The following RBM44 variants were observed in gnomAD, a reference collection of about 807,000 sequenced individuals.
RBM44 encodes RNA-binding protein 44.
Under a neutral mutation model 105.1 loss-of-function variants are expected in RBM44, and 66 were observed. The ratio of observed to expected loss-of-function variants is 0.63; its 90% CI spans 0.52 to 0.77. The LOEUF is 0.77. RBM44 is among the 30% of genes least tolerant of loss of function. The probability of loss-of-function intolerance (pLI) is 0.00; values close to 1 mark genes in which losing one functional copy is unlikely to be tolerated. For synonymous variants in RBM44, 365 were observed against 417.6 expected (o/e 0.87, Z 1.54); for missense variants, 1,122 against 1,207.8 (o/e 0.93, Z 1.05).
At chr2:237,822,927 G>A (rs373388776) in intron 8 of RBM44, among the ~76,000 whole-genome samples, 2 of 151,732 alleles carry the variant, frequency 1.3e-5, no homozygotes, top group Non-Finnish European at 1.5e-5. Context: ...ACAGTTTACC[G>A]TAGCCCTGTA....
intron 10 of RBM44, among the ~76,000 whole-genome samples, chr2:237,824,727 A>C (rs1450898608): frequency 6.6e-6 from 1 of 152,196 alleles, no homozygotes; most frequent in Non-Finnish European, 1.5e-5. Context: ...GCACGGGTAC[A>C]TGGTGAATAA....
chr2:237,804,161 C>T (rs529904126), intron 1 of RBM44, among the ~76,000 whole-genome samples: 2 of 152,318 alleles, frequency 1.3e-5, no homozygotes, highest in East Asian at 3.9e-4. Flanking sequence ...TGCGCCACCA[C>T]GCCTGACCAA....
intron 1 of RBM44, among the ~76,000 whole-genome samples, chr2:237,811,423 C>G (rs1264799067): frequency 6.6e-6 from 1 of 152,084 alleles, no homozygotes; most frequent in Admixed American, 6.5e-5. Context: ...GGCAAGCCAC[C>G]ATGCCTGGCT....
At chr2:237,834,897 A>C (rs2061942684) in intron 15 of RBM44, 1 of 152,708 alleles carries the variant, frequency 6.5e-6, no homozygotes, top group Admixed American at 6.5e-5. Flanking sequence ...AGAGAGAGAG[A>C]GAGCAAGATG....
At chr2:237,813,261 A>G (rs2061676567) in intron 1 of RBM44, among the ~76,000 whole-genome samples, 1 of 152,166 alleles carries the variant, frequency 6.6e-6, no homozygotes, top group African/African-American at 2.4e-5. Flanking sequence ...CAAGTTTTTG[A>G]TATTAACCCA....
At chr2:237,835,503 T>C (rs1478747661) in intron 15 of RBM44, among the ~76,000 whole-genome samples, 2 of 152,182 alleles carry the variant, frequency 1.3e-5, no homozygotes, top group African/African-American at 2.4e-5. Flanking sequence ...GGAAAAGTTA[T>C]TGATGGGATT....
At chr2:237,839,224 C>A (rs2061987451) in intron 15 of RBM44, among the ~76,000 whole-genome samples, 1 of 152,082 alleles carries the variant, frequency 6.6e-6, no homozygotes, top group East Asian at 1.9e-4. Context: ...AATCTGGGGG[C>A]AACTACTAAA....
chr2:237,836,778 CA>C (rs71039782), intron 15 of RBM44, among the ~76,000 whole-genome samples: 20,690 of 88,020 alleles, frequency 0.24, 1,322 homozygotes, highest in Admixed American at 0.28. Context: ...GACTCCGTCT[CA>C]AAAAAAAAAA....
In RBM44 at chr2:237,803,848, C is replaced by T. The variant is rs1370826730; in HGVS notation, c.-19+4987C>T. On this transcript the variant is annotated intron_variant, in intron 1 of 15. Coordinates refer to ENST00000316997, the MANE Select transcript of RBM44 (RefSeq NM_001080504.3). The surrounding 1 kb of genome is among the most constrained non-coding windows in gnomAD (Gnocchi z 4.2). ...TAAAAATCTAGATAGTAGAAATATA[C>T]TTGTGCCAGTACCATTTATTGAATA... 6.6e-6 allele frequency among the ~76,000 whole-genome samples: 1 copy of T among 151,568 alleles called. No homozygotes were observed. The highest frequency in any genetic ancestry group is 1.5e-5 in the Non-Finnish European group (1 of 67,956).
chr2:237,820,727 G>T (rs1473264674), intron 5 of RBM44: 1 of 234,016 alleles, frequency 4.3e-6, no homozygotes. Flanking sequence ...GCATTTAAAA[G>T]AAAATATTTA....
intron 15 of RBM44, among the ~76,000 whole-genome samples, chr2:237,836,077 G>A (rs545673082): frequency 3.3e-4 from 50 of 152,254 alleles, no homozygotes; most frequent in African/African-American, 1.2e-3. Flanking sequence ...ATGCCATCTG[G>A]GACTTTCACA....
At chr2:237,839,659 A>G (rs2061992435) in intron 15 of RBM44, among the ~76,000 whole-genome samples, 1 of 152,206 alleles carries the variant, frequency 6.6e-6, no homozygotes, top group African/African-American at 2.4e-5. Context: ...TGAATCAACA[A>G]CTTAAACATA....
At chr2:237,813,950 T>C (rs371367420) in intron 2 of RBM44, among the ~76,000 whole-genome samples, 2 of 152,316 alleles carry the variant, frequency 1.3e-5, no homozygotes, top group African/African-American at 2.4e-5. Context: ...CTGACAGGTA[T>C]AACTGCCTTC....
At chr2:237,840,800 C>A (rs1171584233) in intron 15 of RBM44, among the ~76,000 whole-genome samples, 1 of 152,056 alleles carries the variant, frequency 6.6e-6, no homozygotes, top group Non-Finnish European at 1.5e-5. Context: ...ATTCACGTGG[C>A]CAACAAGCAT....
intron 15 of RBM44, among the ~76,000 whole-genome samples, chr2:237,840,034 C>T (rs560326889): frequency 1.3e-5 from 2 of 151,822 alleles, no homozygotes; most frequent in Admixed American, 6.6e-5. Context: ...ACAAAAAATA[C>T]GAAAATTAGC....
At chr2:237,825,532 T>A (rs1321821106) in intron 10 of RBM44, among the ~76,000 whole-genome samples, 3 of 152,200 alleles carry the variant, frequency 2.0e-5, no homozygotes, top group Non-Finnish European at 1.5e-5. Context: ...ATTCTGTTTT[T>A]TCTTCCCTTG....
intron 1 of RBM44, among the ~76,000 whole-genome samples, chr2:237,807,767 T>C (rs1353748394): frequency 6.6e-6 from 1 of 152,162 alleles, no homozygotes; most frequent in Non-Finnish European, 1.5e-5. Context: ...ACAATTAAAG[T>C]AAACCAGCCC....
chr2:237,824,370 A>G lies in RBM44; in HGVS notation c.2400A>G (p.Thr800=), dbSNP rs1406697813. 6.2e-7 allele frequency: 1 copy of G among 1,612,952 alleles called. No homozygotes were observed. The highest frequency in any genetic ancestry group is 1.3e-5 in the African/African-American group (1 of 74,868). ...ESLTGVDVSG[T]QGNQVEQDTW... is the part of the protein sequence containing the mutation. ...TGACAGGAGTTGACGTCTCAGGGAC[A>G]CAGGGAAATCAAGTAGAACAAGACA... Residue 800 remains threonine, a synonymous_variant, in exon 10 of 16, where the codon ACA becomes ACG. Coordinates refer to ENST00000316997, the MANE Select transcript of RBM44 (RefSeq NM_001080504.3).
intron 13 of RBM44, among the ~76,000 whole-genome samples, chr2:237,831,582 C>T (rs2061903918): frequency 6.6e-6 from 1 of 152,136 alleles, no homozygotes; most frequent in African/African-American, 2.4e-5. Flanking sequence ...CACACCCAGC[C>T]TATCCTATGT....
Sources: allele counts gnomAD v4.1 joint callset (sites outside exome capture counted in the v4.1 genomes callset), GRCh38; gene constraint gnomAD v4.1.1; non-coding constraint Gnocchi (gnomAD v3.1); transcripts MANE v1.5; gene names NCBI Gene and HGNC (gene_info 2026-07-23, HGNC 2026-07-21).